DOCK10: variants seen among roughly 807,000 people sequenced by gnomAD.
DOCK10 encodes dedicator of cytokinesis 10, also known as dedicator of cytokinesis protein 10.
In DOCK10, 145 loss-of-function variants were observed where a neutral mutation model predicts 280.1. The observed-to-expected ratio is 0.52, with a 90% CI of 0.45 to 0.59. DOCK10 has a LOEUF of 0.59. DOCK10 is among the 20% of genes least tolerant of loss of function. DOCK10 has a pLI of 0.00. For synonymous variants in DOCK10, 915 were observed against 942.2 expected, an observed-to-expected ratio of 0.97 and a Z score of 0.53; for missense variants, 2,368 against 2,651.7, an observed-to-expected ratio of 0.89 and a Z score of 2.35.
At chr2:224,851,197 C>G (rs1378965774) in intron 18 of DOCK10, among the ~76,000 whole-genome samples, 1 of 152,170 alleles carries the variant, frequency 6.6e-6, no homozygotes, top group Non-Finnish European at 1.5e-5. Flanking sequence ...CTTCTGGAGT[C>G]TGACAGTTAG....
In DOCK10 at chr2:224,793,395, C is replaced by T; in HGVS notation, c.5212+5G>A. ...CTTTTTGCCTCCCTCATGTGGTCAT[C>T]TTACCCTTTCTTTTCAGATACTCTG... On this transcript the variant is annotated splice_donor_5th_base_variant and intron_variant, in intron 46 of 55. Transcript: ENST00000258390. 1 of 1,612,720 alleles carries T rather than the reference C, an allele frequency of 6.2e-7. No homozygotes were observed. Among genetic ancestry groups the T allele is most frequent in the Non-Finnish European group, 8.5e-7 (1 of 1,179,140 alleles).
intron 1 of DOCK10, among the ~76,000 whole-genome samples, chr2:225,022,133 A>G (rs564469825): frequency 1.3e-5 from 2 of 152,344 alleles, no homozygotes; most frequent in East Asian, 3.9e-4. Flanking sequence ...TCATGCATAC[A>G]TACACACACA....
intron 1 of DOCK10, chr2:224,947,085 A>G (rs1361821386): frequency 7.4e-7 from 1 of 1,358,948 alleles, no homozygotes; most frequent in African/African-American, 1.5e-5. Context: ...ACATGAATGT[A>G]ACTCAACAGA....
intron 3 of DOCK10, among the ~76,000 whole-genome samples, chr2:224,898,190 A>C (rs1700092613): frequency 6.6e-6 from 1 of 152,216 alleles, no homozygotes; most frequent in Non-Finnish European, 1.5e-5. Flanking sequence ...TGTTCCAGGC[A>C]AGAGGCTCGA....
chr2:224,780,907 A>AAG (rs1314679989), intron 50 of DOCK10, among the ~76,000 whole-genome samples: 1 of 151,688 alleles, frequency 6.6e-6, no homozygotes, highest in East Asian at 1.9e-4. Flanking sequence ...CTAAAAAAAA[A>AAG]AAAAATGTAT....
chr2:224,805,471 T>TG lies in DOCK10; in HGVS notation c.3872dup (p.Ser1292LysfsTer3). The TG allele has an allele frequency of 6.2e-7, 1 of 1,612,758 alleles. No individual in the cohort carries two copies. The highest frequency in any genetic ancestry group is 8.5e-7 in the Non-Finnish European group (1 of 1,179,152). On this transcript the variant is annotated frameshift_variant, in exon 35 of 56. Transcript: ENST00000258390. LOFTEE classifies it high-confidence loss of function. This position sits in a 1 kb window ranked among gnomAD's most constrained non-coding sequence, Gnocchi z 4.3. ...TGGTACTTGGATTGGAGTCAAGACTTGCTAAAGATGCTCTGGAGTCAGCAT... is the reference window on the plus strand; with the variant it reads ...TGGTACTTGGATTGGAGTCAAGACTTGGCTAAAGATGCTCTGGAGTCAGCAT...
intron 16 of DOCK10, 67 bp downstream of exon 16, chr2:224,854,896 C>T (rs1298761441): frequency 1.0e-5 from 12 of 1,150,228 alleles, no homozygotes; most frequent in Non-Finnish European, 1.4e-5. Context: ...ACCAACCAAC[C>T]AAAACAAACC....
In DOCK10 at chr2:224,765,098, A is replaced by C. The variant is rs753843781; in HGVS notation, c.*623T>G. 2.6e-5 allele frequency: 4 copies of C among 152,802 alleles called. No individual in the cohort carries two copies. The South Asian group carries it at 8.3e-4, about 32-fold the overall frequency. 9.5% of individuals were successfully genotyped at this position (152,802 alleles called of 1,614,324 possible). A position where few individuals can be genotyped will look rare whatever the true frequency, so the allele number is the denominator to read the frequency against. On this transcript the variant is annotated 3_prime_UTR_variant, in exon 56 of 56. Coordinates refer to ENST00000258390, the MANE Select transcript of DOCK10 (RefSeq NM_014689.3). Reference sequence around the variant, plus strand: ...TTCAACAGGAAACCAAATGCAAAGTAACTGTGTTTTTTATTTCTATGAACA... The same window carrying C: ...TTCAACAGGAAACCAAATGCAAAGTCACTGTGTTTTTTATTTCTATGAACA...
chr2:225,008,700 T>C (rs1352783780), intron 1 of DOCK10, among the ~76,000 whole-genome samples: 3 of 152,136 alleles, frequency 2.0e-5, no homozygotes, highest in African/African-American at 7.2e-5. Flanking sequence ...TGTCTCATCT[T>C]ACAAATAAGG....
At chr2:224,828,982 G>A (rs1346934357) in intron 27 of DOCK10, among the ~76,000 whole-genome samples, 1 of 152,198 alleles carries the variant, frequency 6.6e-6, no homozygotes, top group Non-Finnish European at 1.5e-5. Context: ...GGTACACATT[G>A]ACTGAAGAGG....
chr2:224,791,726 G>T (rs1692210802), intron 47 of DOCK10, among the ~76,000 whole-genome samples: 1 of 149,900 alleles, frequency 6.7e-6, no homozygotes, highest in Non-Finnish European at 1.5e-5. Context: ...CACCTGCCTT[G>T]GTCTCCCAAA....
At chr2:224,926,959 G>C (rs964003227) in intron 2 of DOCK10, among the ~76,000 whole-genome samples, 1 of 152,222 alleles carries the variant, frequency 6.6e-6, no homozygotes, top group Non-Finnish European at 1.5e-5. Flanking sequence ...CTGTCTAACA[G>C]TGAGAAACAA....
intron 1 of DOCK10, among the ~76,000 whole-genome samples, chr2:224,960,995 C>T (rs946688842): frequency 7.2e-5 from 11 of 152,150 alleles, no homozygotes; most frequent in African/African-American, 2.7e-4. Context: ...GTCTCGGCCT[C>T]CCAAAGTGCT....
At position 224,786,782 on chromosome 2, in the gene DOCK10, CAAG is replaced by C. The variant is rs1488952800; in HGVS notation, c.5655+237_5655+239del. ...TTGAAAAATAAATGCCCTCTTTCTT[CAAG>C]AAGTTAGAAATCACTGTTAACTCAA... On this transcript the variant is annotated intron_variant, in intron 50 of 55. Coordinates refer to ENST00000258390, the MANE Select transcript of DOCK10 (RefSeq NM_014689.3). The surrounding 1 kb of genome is among the most constrained non-coding windows in gnomAD (Gnocchi z 4.7). 1.6e-4 allele frequency among the ~76,000 whole-genome samples: 25 copies of C among 152,112 alleles called. No homozygotes were observed. Among genetic ancestry groups the C allele is most frequent in the Admixed American group, 1.4e-3 (21 of 15,280 alleles).
intron 1 of DOCK10, among the ~76,000 whole-genome samples, chr2:224,964,156 A>G (rs1297602233): frequency 1.3e-5 from 2 of 152,208 alleles, no homozygotes; most frequent in Non-Finnish European, 1.5e-5. Context: ...TGAAATTTAG[A>G]TGACTGTATT....
At chr2:224,974,820 A>G (rs1433114963) in intron 1 of DOCK10, among the ~76,000 whole-genome samples, 2 of 116,604 alleles carry the variant, frequency 1.7e-5, no homozygotes, top group Non-Finnish European at 3.8e-5. Flanking sequence ...TATATATATA[A>G]TATATATATA....
At chr2:224,937,528 A>T (rs560252086) in intron 1 of DOCK10, among the ~76,000 whole-genome samples, 38 of 152,136 alleles carry the variant, frequency 2.5e-4, no homozygotes, top group Non-Finnish European at 4.3e-4. Context: ...TTAAAATAAC[A>T]CTCTGAAAAT....
intron 30 of DOCK10, among the ~76,000 whole-genome samples, chr2:224,816,119 G>A (rs1694120240): frequency 6.6e-6 from 1 of 151,628 alleles, no homozygotes; most frequent in Non-Finnish European, 1.5e-5. Flanking sequence ...AGTATTTCAT[G>A]CTCCTAAATA....
At chr2:224,925,984 C>T (rs886088221) in intron 2 of DOCK10, among the ~76,000 whole-genome samples, 1 of 152,046 alleles carries the variant, frequency 6.6e-6, no homozygotes, top group Non-Finnish European at 1.5e-5. Context: ...TGACTAAGTT[C>T]TTTATTTTTT....
Sources: allele counts gnomAD v4.1 joint callset (sites outside exome capture counted in the v4.1 genomes callset), GRCh38; gene constraint gnomAD v4.1.1; non-coding constraint Gnocchi (gnomAD v3.1); transcripts MANE v1.5; gene names NCBI Gene and HGNC (gene_info 2026-07-23, HGNC 2026-07-21).